The following SPRR2G variants were observed in gnomAD, a reference collection of about 807,000 sequenced individuals.
SPRR2G encodes small proline-rich protein 2G.
Under a neutral mutation model 0.7 loss-of-function variants are expected in SPRR2G, and 1 was observed. The observed-to-expected ratio is 1.49, with a 90% CI of 0.53 to 7.06. The LOEUF (loss-of-function observed/expected upper bound fraction) is 7.06. Ranked by LOEUF, SPRR2G falls within the 30% of genes most tolerant of loss-of-function variation. The pLI is 0.14. For synonymous variants in SPRR2G, 38 were observed against 33.9 expected (o/e 1.12, Z -0.42); for missense variants, 96 against 88.5 (o/e 1.09, Z -0.34).
the SPRR2G span, among the ~76,000 whole-genome samples, chr1:153,164,309 G>A: frequency 6.6e-6 from 1 of 152,200 alleles, no homozygotes; most frequent in Admixed American, 6.5e-5. Context: ...ATGAGGCCAG[G>A]AAGAGAGGTA....
At chr1:153,165,330 A>C in the SPRR2G span, among the ~76,000 whole-genome samples, 72,775 of 151,980 alleles carry the variant, frequency 0.48, 18,547 homozygotes, top group East Asian at 0.64. Context: ...TTGATTCAAG[A>C]ACAGAGGAAG....
At chr1:153,151,653 C>A (rs1364026663), upstream of SPRR2G, among the ~76,000 whole-genome samples, 1 of 152,202 alleles carries the variant, frequency 6.6e-6, no homozygotes, top group Non-Finnish European at 1.5e-5. Context: ...TTCTTCCAAA[C>A]TGCCTTAATG....
At chr1:153,178,215 T>C in the SPRR2G span, among the ~76,000 whole-genome samples, 1 of 152,184 alleles carries the variant, frequency 6.6e-6, no homozygotes, top group Non-Finnish European at 1.5e-5. Context: ...TTAGTTCCAA[T>C]ACATATTTCT....
the SPRR2G span, among the ~76,000 whole-genome samples, chr1:153,178,132 G>A: frequency 3.3e-5 from 5 of 152,132 alleles, no homozygotes; most frequent in East Asian, 9.7e-4. Flanking sequence ...CAATTGTGTG[G>A]TGATGGTTTA....
chr1:153,201,295 TG>T, the SPRR2G span, among the ~76,000 whole-genome samples: 1 of 152,198 alleles, frequency 6.6e-6, no homozygotes, highest in Non-Finnish European at 1.5e-5. Context: ...GGAAAGATAA[TG>T]GGCAAACGTC....
the SPRR2G span, among the ~76,000 whole-genome samples, chr1:153,173,785 G>C: frequency 6.6e-6 from 1 of 152,136 alleles, no homozygotes; most frequent in Non-Finnish European, 1.5e-5. Flanking sequence ...TCCTTCCATG[G>C]GGTTGGAGGT....
chr1:153,149,677 G>T lies in SPRR2G; in HGVS notation c.*212C>A. The T allele has an allele frequency of 3.1e-6, 2 of 646,964 alleles. No individual in the cohort carries two copies. Among genetic ancestry groups the T allele is most frequent in the Non-Finnish European group, 2.7e-6 (1 of 375,874 alleles). The allele number at this position is 646,964 out of a possible 1,614,324, so 40.1% of individuals were successfully genotyped here. A position where few individuals can be genotyped will look rare whatever the true frequency, so the allele number is the denominator to read the frequency against. On this transcript the variant is annotated 3_prime_UTR_variant, in exon 2 of 2. Coordinates refer to ENST00000368748, the MANE Select transcript of SPRR2G (RefSeq NM_001014291.4). Reference sequence around the variant, plus strand: ...GGAACCACCATCTACATCACAGACAGCAAAGCGAGATTAGGCAGTGATCTG... The same window carrying T: ...GGAACCACCATCTACATCACAGACATCAAAGCGAGATTAGGCAGTGATCTG...
chr1:153,167,936 T>C, the SPRR2G span, among the ~76,000 whole-genome samples: 1 of 152,230 alleles, frequency 6.6e-6, no homozygotes, highest in African/African-American at 2.4e-5. Context: ...ATTAGCCTAA[T>C]ATTTGCTACC....
the SPRR2G span, among the ~76,000 whole-genome samples, chr1:153,177,331 G>A: frequency 2.9e-4 from 44 of 152,122 alleles, no homozygotes; most frequent in African/African-American, 9.7e-4. Flanking sequence ...CAAGTCTTTC[G>A]TGGACATGTT....
chr1:153,190,180 A>C, the SPRR2G span: 3 of 152,344 alleles, frequency 2.0e-5, no homozygotes, highest in Non-Finnish European at 2.9e-5. Flanking sequence ...TGTCCTCCCC[A>C]GGTGCCTGAG....
the SPRR2G span, among the ~76,000 whole-genome samples, chr1:153,165,846 C>T: frequency 1.3e-5 from 2 of 152,154 alleles, no homozygotes; most frequent in African/African-American, 2.4e-5. Flanking sequence ...AGATGAAAAA[C>T]TAAACTCTTA....
At chr1:153,182,341 T>G in the SPRR2G span, among the ~76,000 whole-genome samples, 3 of 151,940 alleles carry the variant, frequency 2.0e-5, no homozygotes, top group East Asian at 5.8e-4. Flanking sequence ...TTTATTAGGT[T>G]GGTGCAAAAG....
At chr1:153,200,402 C>A in the SPRR2G span, among the ~76,000 whole-genome samples, 3 of 152,122 alleles carry the variant, frequency 2.0e-5, no homozygotes, top group East Asian at 5.8e-4. Flanking sequence ...AATGAAGACA[C>A]CTGGCCAGCG....
chr1:153,194,187 AAG>A, the SPRR2G span, among the ~76,000 whole-genome samples: 3 of 152,232 alleles, frequency 2.0e-5, no homozygotes, highest in Non-Finnish European at 2.9e-5. Flanking sequence ...CTGAAAAAAA[AAG>A]AGAGATCAGA....
chr1:153,184,463 G>A, the SPRR2G span, among the ~76,000 whole-genome samples: 1 of 152,076 alleles, frequency 6.6e-6, no homozygotes, highest in South Asian at 2.1e-4. Context: ...TATTTTCTTT[G>A]TAGCAATTTT....
the SPRR2G span, among the ~76,000 whole-genome samples, chr1:153,169,564 CAA>C: frequency 5.3e-3 from 760 of 142,290 alleles, 9 homozygotes; most frequent in Middle Eastern, 0.021. Flanking sequence ...GACTCCATCT[CAA>C]AAAAAAAAAA....
chr1:153,198,683 G>A, the SPRR2G span, among the ~76,000 whole-genome samples: 8 of 152,160 alleles, frequency 5.3e-5, no homozygotes, highest in Admixed American at 5.2e-4. Context: ...CATAAGAGGA[G>A]CAAGAGGGGC....
the SPRR2G span, among the ~76,000 whole-genome samples, chr1:153,161,659 C>A: frequency 2.0e-5 from 3 of 152,040 alleles, no homozygotes; most frequent in Non-Finnish European, 4.4e-5. Flanking sequence ...TAAATCATTA[C>A]CCTAGGACTC....
At chr1:153,159,359 A>G in the SPRR2G span, among the ~76,000 whole-genome samples, 1 of 152,206 alleles carries the variant, frequency 6.6e-6, no homozygotes, top group Non-Finnish European at 1.5e-5. Context: ...CCAGTTCCCA[A>G]TAAATTCCTC....
Sources: allele counts gnomAD v4.1 joint callset (sites outside exome capture counted in the v4.1 genomes callset), GRCh38; gene constraint gnomAD v4.1.1; transcripts MANE v1.5; gene names NCBI Gene and HGNC (gene_info 2026-07-23, HGNC 2026-07-21).